The following NPY2R variants were observed in gnomAD, a reference collection of about 807,000 sequenced individuals.
The protein encoded by NPY2R is neuropeptide Y receptor Y2.
NPY2R carries 17 observed loss-of-function variants against 22.3 expected under a neutral mutation model. The ratio of observed to expected loss-of-function variants is 0.76; its 90% CI spans 0.52 to 1.14. NPY2R has a LOEUF of 1.14. Among genes scored for constraint, NPY2R ranks in the 50% most tolerant of loss-of-function variants. The probability of loss-of-function intolerance (pLI) is 0.00; values close to 1 mark genes in which losing one functional copy is unlikely to be tolerated. For missense variants in NPY2R, 424 were observed against 467.9 expected, an observed-to-expected ratio of 0.91 and a Z score of 0.87; for synonymous variants, 209 against 183.4, an observed-to-expected ratio of 1.14 and a Z score of -1.13.
chr4:155,174,484 A>ATATATATATATATGTATAT, the NPY2R span, among the ~76,000 whole-genome samples: 3 of 106,120 alleles, frequency 2.8e-5, no homozygotes, highest in Admixed American at 9.6e-5. Context: ...ATATATATAT[A>ATATATATATATATGTATAT]TTTTTTTTTT....
At chr4:155,205,944 C>T (rs957612848), upstream of NPY2R, among the ~76,000 whole-genome samples, 17 of 152,068 alleles carry the variant, frequency 1.1e-4, no homozygotes, top group African/African-American at 3.9e-4. Flanking sequence ...AGATTTTTAA[C>T]AATATGGATT....
chr4:155,181,831 A>T, the NPY2R span, among the ~76,000 whole-genome samples: 27 of 152,308 alleles, frequency 1.8e-4, no homozygotes, highest in East Asian at 5.0e-3. Context: ...CAAGACATTG[A>T]CAAATACATT....
the NPY2R span, among the ~76,000 whole-genome samples, chr4:155,192,171 C>G: frequency 8.4e-6 from 1 of 118,924 alleles, no homozygotes; most frequent in African/African-American, 3.9e-5. Context: ...TCTTTCAAAA[C>G]AGGATTATTA....
the NPY2R span, among the ~76,000 whole-genome samples, chr4:155,175,306 C>G: frequency 2.6e-5 from 4 of 152,104 alleles, no homozygotes; most frequent in Non-Finnish European, 5.9e-5. Context: ...AGGGGAGATA[C>G]AGTCAGTGAA....
the NPY2R span, among the ~76,000 whole-genome samples, chr4:155,196,657 G>A: frequency 1.3e-5 from 2 of 151,900 alleles, no homozygotes; most frequent in Admixed American, 6.6e-5. Context: ...TAAGGGAATA[G>A]GGAAGGTGTG....
the NPY2R span, among the ~76,000 whole-genome samples, chr4:155,199,128 T>A: frequency 6.6e-6 from 1 of 152,014 alleles, no homozygotes; most frequent in Non-Finnish European, 1.5e-5. Context: ...GTGCACACAT[T>A]GTAAATACCC....
At chr4:155,174,484 ATTT>A in the NPY2R span, among the ~76,000 whole-genome samples, 22 of 106,040 alleles carry the variant, frequency 2.1e-4, no homozygotes, top group African/African-American at 7.7e-4. Flanking sequence ...ATATATATAT[ATTT>A]TTTTTTTTAA....
At chr4:155,207,892 AC>A (rs2111032657), upstream of NPY2R, 1 of 152,240 alleles carries the variant, frequency 6.6e-6, no homozygotes, top group African/African-American at 2.4e-5. Flanking sequence ...CTAGCTTTTA[AC>A]CTGAGCCAGA....
At chr4:155,200,839 A>C in the NPY2R span, among the ~76,000 whole-genome samples, 2 of 151,952 alleles carry the variant, frequency 1.3e-5, no homozygotes, top group Non-Finnish European at 2.9e-5. Flanking sequence ...AACAACACAC[A>C]CTAGGACCAG....
rs1464165472 is a variant in NPY2R at position 155,216,699 on chromosome 4, A to T, written c.*1614A>T. ...TCTGGAATACTGAAAAAGAATGAAA[A>T]CAATATGTTAGATTAGGTGTAAGAC... On this transcript the variant is annotated 3_prime_UTR_variant, in exon 2 of 2. Transcript: ENST00000329476. 6.0e-6 allele frequency: 1 copy of T among 167,076 alleles called. No individual in the cohort carries two copies. Among genetic ancestry groups the T allele is most frequent in the Admixed American group, 6.5e-5 (1 of 15,276 alleles). The allele number at this position is 167,076 out of a possible 1,614,324, so 10.3% of individuals were successfully genotyped here. A position where few individuals can be genotyped will look rare whatever the true frequency, so the allele number is the denominator to read the frequency against.
chr4:155,204,789 G>C (rs1278536131), upstream of NPY2R, among the ~76,000 whole-genome samples: 1 of 147,568 alleles, frequency 6.8e-6, no homozygotes, highest in African/African-American at 2.5e-5. Context: ...GGTCATGCTG[G>C]ATGATGAAAT....
At position 155,215,934 on chromosome 4, in the gene NPY2R, A is replaced by G. The variant is rs1729505973; in HGVS notation, c.*849A>G. On this transcript the variant is annotated 3_prime_UTR_variant, in exon 2 of 2. Transcript: ENST00000329476. ...ATGTATGATTTCTGTTGTTATTCCT[A>G]TTGGAGCTAAGTTTGTCTACACTAA... 1 of 167,066 alleles carries G rather than the reference A, an allele frequency of 6.0e-6. No individual in the cohort carries two copies. Among genetic ancestry groups the G allele is most frequent in the Admixed American group, 6.5e-5 (1 of 15,288 alleles). The allele number at this position is 167,066 out of a possible 1,614,324, so 10.3% of individuals were successfully genotyped here. A position where few individuals can be genotyped will look rare whatever the true frequency, so the allele number is the denominator to read the frequency against.
intron 1 of NPY2R, 64 bp downstream of exon 1, chr4:155,209,133 G>A (rs1729348593): frequency 6.6e-6 from 1 of 152,248 alleles, no homozygotes; most frequent in South Asian, 2.1e-4. Flanking sequence ...GGAGCGCTCG[G>A]TTCCTATGAA....
chr4:155,204,165 A>G (rs1729238928), upstream of NPY2R, among the ~76,000 whole-genome samples: 1 of 152,070 alleles, frequency 6.6e-6, no homozygotes, highest in Non-Finnish European at 1.5e-5. Flanking sequence ...CAAGTTACTC[A>G]ATAATCTCTC....
At chr4:155,175,990 T>A in the NPY2R span, among the ~76,000 whole-genome samples, 2 of 152,184 alleles carry the variant, frequency 1.3e-5, no homozygotes, top group African/African-American at 2.4e-5. Flanking sequence ...TTAACCTTCC[T>A]AAGTTTAAAA....
At chr4:155,178,989 C>T in the NPY2R span, among the ~76,000 whole-genome samples, 1 of 152,068 alleles carries the variant, frequency 6.6e-6, no homozygotes, top group Non-Finnish European at 1.5e-5. Context: ...GTTTCTATTG[C>T]TTTATCTTTA....
chr4:155,185,728 G>T, the NPY2R span, among the ~76,000 whole-genome samples: 70,662 of 150,892 alleles, frequency 0.47, 17,196 homozygotes, highest in East Asian at 0.69. Flanking sequence ...CAAACAAGTT[G>T]TTGAAAGTTT....
intron 1 of NPY2R, among the ~76,000 whole-genome samples, chr4:155,209,309 G>A (rs927062098): frequency 1.3e-5 from 2 of 152,100 alleles, no homozygotes; most frequent in African/African-American, 2.4e-5. Context: ...CTTTGAGATA[G>A]GTCATTATCT....
chr4:155,199,902 A>G, the NPY2R span, among the ~76,000 whole-genome samples: 3 of 152,146 alleles, frequency 2.0e-5, no homozygotes, highest in Admixed American at 6.6e-5. Context: ...CCCAAACCAT[A>G]AAAATCCTAG....
Sources: gnomAD v4.1 joint callset for allele counts (sites outside exome capture counted in the v4.1 genomes callset) on GRCh38, gnomAD v4.1.1 for gene constraint, MANE v1.5 for transcripts, NCBI Gene and HGNC (gene_info 2026-07-23, HGNC 2026-07-21) for gene names.